The following KLHL31 variants were observed in gnomAD, a reference collection of about 807,000 sequenced individuals.
KLHL31 encodes the protein kelch like family member 31, also known as kelch-like protein 31.
Under a neutral mutation model 47.1 loss-of-function variants are expected in KLHL31, and 32 were observed. That is an observed-to-expected ratio of 0.68 (90% CI 0.51 to 0.91). KLHL31 has a LOEUF of 0.91. Among genes scored for constraint, KLHL31 ranks in the 40% least tolerant of loss-of-function variants. KLHL31 has a pLI of 0.00. For missense variants in KLHL31, 797 were observed against 819.3 expected (o/e 0.97, Z 0.33); for synonymous variants, 330 against 325.1 (o/e 1.01, Z -0.16).
At chr6:53,665,064 A>G (rs1385553669) in intron 1 of KLHL31, among the ~76,000 whole-genome samples, 2 of 151,054 alleles carry the variant, frequency 1.3e-5, no homozygotes, top group Admixed American at 1.3e-4. Flanking sequence ...TTTTTTTAGG[A>G]AGGATATTTC....
In KLHL31 at chr6:53,665,211, T is replaced by G. The variant is rs533526715; in HGVS notation, c.-34+390A>C. Among the ~76,000 whole-genome samples, 5 of 152,312 alleles carry G rather than the reference T, an allele frequency of 3.3e-5. No homozygotes were observed. The South Asian group carries it at 6.2e-4, about 19-fold the overall frequency. The stretch of plus-strand genomic sequence containing the variant: ...AAATGATTCTTGATAAAAATAAAGG[T>G]AGAATTCTAAACTTTGTGAACAAAG... On this transcript the variant is annotated intron_variant, in intron 1 of 2. Transcript: ENST00000370905.
intron 2 of KLHL31, 93 bp from the exon 3 acceptor site, chr6:53,652,423 C>A: frequency 5.3e-6 from 8 of 1,522,194 alleles, no homozygotes; most frequent in Non-Finnish European, 6.3e-6. Flanking sequence ...CCTGACACTA[C>A]CCCTGCAAGG....
chr6:53,653,861 A>T (rs180978805), intron 2 of KLHL31, among the ~76,000 whole-genome samples: 1 of 150,442 alleles, frequency 6.6e-6, no homozygotes, highest in African/African-American at 2.4e-5. Context: ...ATGTAAAATC[A>T]GAATAATTAT....
intron 1 of KLHL31, among the ~76,000 whole-genome samples, chr6:53,657,718 T>C (rs1032437449): frequency 2.7e-5 from 4 of 150,932 alleles, no homozygotes; most frequent in African/African-American, 9.7e-5. Flanking sequence ...CCTTGAAGGG[T>C]TTTCAATTTG....
At chr6:53,660,808 C>T (rs773169444) in intron 1 of KLHL31, among the ~76,000 whole-genome samples, 1 of 152,234 alleles carries the variant, frequency 6.6e-6, no homozygotes, top group Non-Finnish European at 1.5e-5. Context: ...CAAAGCGAGA[C>T]TCTGTCTCAA....
rs189671810 is a variant in KLHL31, at chr6:53,664,595, A to T, written c.-34+1006T>A. Among the ~76,000 whole-genome samples, 13 of 152,212 alleles carry T rather than the reference A, an allele frequency of 8.5e-5. No individual in the cohort carries two copies. In the East Asian group the frequency reaches 2.3e-3, roughly 27 times the overall value. On this transcript the variant is annotated intron_variant, in intron 1 of 2. Coordinates refer to ENST00000370905, the MANE Select transcript of KLHL31 (RefSeq NM_001003760.5). ...TGGCCCCAGCTGATCCCAGATGAAGACCCCCAGAACTGGTTATAGAAAAGA... is the reference window on the plus strand; with the variant it reads ...TGGCCCCAGCTGATCCCAGATGAAGTCCCCCAGAACTGGTTATAGAAAAGA...
rs1764461670 is a variant in KLHL31 at position 53,651,399 on chromosome 6, T to TAAAAAAAAAGAAAAA, written c.*198_*199insTTTTTCTTTTTTTTT. On this transcript the variant is annotated 3_prime_UTR_variant, in exon 3 of 3. Transcript: ENST00000370905. ...TGTTGGCCATTGCCCTGTATTTTGC[T>TAAAAAAAAAGAAAAA]AAAAAAAAAAAAAAAAAAAAGAGGT... 1 of 63,348 alleles carries TAAAAAAAAAGAAAAA rather than the reference T, an allele frequency of 1.6e-5. No homozygotes were observed. The highest frequency in any genetic ancestry group is 2.8e-5 in the Non-Finnish European group (1 of 35,500). The allele number at this position is 63,348 out of a possible 1,614,324, so 3.9% of individuals were successfully genotyped here.
At chr6:53,662,107 T>C (rs1173818795) in intron 1 of KLHL31, among the ~76,000 whole-genome samples, 2 of 152,150 alleles carry the variant, frequency 1.3e-5, no homozygotes, top group Admixed American at 6.5e-5. Context: ...ATATGATTAG[T>C]ATACCCTAGG....
In KLHL31 at chr6:53,649,620, G is replaced by T. The variant is rs1764437637; in HGVS notation, c.*1978C>A. 2 of 151,928 alleles carry T rather than the reference G, an allele frequency of 1.3e-5. No individual in the cohort carries two copies. Among genetic ancestry groups the T allele is most frequent in the Non-Finnish European group, 2.9e-5 (2 of 67,950 alleles). 9.4% of individuals were successfully genotyped at this position (151,928 alleles called of 1,614,324 possible). On this transcript the variant is annotated 3_prime_UTR_variant, in exon 3 of 3. Coordinates refer to ENST00000370905, the MANE Select transcript of KLHL31 (RefSeq NM_001003760.5). ...ATTCTCATTTCATTTCAAGCCCTAG[G>T]TCCTCCTCTTCATACAATACTTCTA... is the stretch of plus-strand genomic sequence containing the variant.
At position 53,651,569 on chromosome 6, in the gene KLHL31, T is replaced by C; in HGVS notation, c.*29A>G. 1.9e-6 allele frequency: 3 copies of C among 1,586,378 alleles called. No individual in the cohort carries two copies. The highest frequency in any genetic ancestry group is 1.7e-6 in the Non-Finnish European group (2 of 1,162,984). On this transcript the variant is annotated 3_prime_UTR_variant, in exon 3 of 3. Transcript: ENST00000370905. ...GTGGCTCTACGAATAAATAACGTGT[T>C]CTTCCTGCGTCCCTGCATCTACCTG... is the stretch of plus-strand genomic sequence containing the variant.
chr6:53,652,020 C>T lies in KLHL31; in HGVS notation c.1483G>A (p.Glu495Lys), dbSNP rs762220452. Residue 495 changes from glutamate (E) to lysine (K), a missense_variant, in exon 3 of 3, where the codon GAG (glutamate) becomes AAG (lysine). Glu to Lys is a moderately conservative substitution (Grantham distance 56). Coordinates refer to ENST00000370905, the MANE Select transcript of KLHL31 (RefSeq NM_001003760.5). ...AYDPASDSWQ[E>K]LPNLSTPRGW... ...CGGGGTGTGCTGAGGTTCGGCAGCT[C>T]CTGCCACGAGTCGCTGGCCGGGTCG... The T allele has an allele frequency of 6.9e-6, 11 of 1,591,544 alleles. No individual in the cohort carries two copies. Among genetic ancestry groups the T allele is most frequent in the Non-Finnish European group, 9.4e-6 (11 of 1,175,048 alleles).
At chr6:53,661,695 T>C (rs1026467136) in intron 1 of KLHL31, among the ~76,000 whole-genome samples, 2 of 152,196 alleles carry the variant, frequency 1.3e-5, no homozygotes, top group Non-Finnish European at 2.9e-5. Context: ...TATTAACATG[T>C]AGTCAGAGCA....
At chr6:53,664,525 G>A (rs1176170903) in intron 1 of KLHL31, among the ~76,000 whole-genome samples, 1 of 152,232 alleles carries the variant, frequency 6.6e-6, no homozygotes, top group Non-Finnish European at 1.5e-5. Context: ...ACCCTTGTCT[G>A]TAAGTGGGCA....
chr6:53,663,692 G>A lies in KLHL31; in HGVS notation c.-34+1909C>T, dbSNP rs569385107. Reference sequence around the variant, plus strand: ...CTCTAAGGCTGTATATAGGACACAAGGACACAGTACAAAGTTTTTGTTTGG... The same window carrying A: ...CTCTAAGGCTGTATATAGGACACAAAGACACAGTACAAAGTTTTTGTTTGG... On this transcript the variant is annotated intron_variant, in intron 1 of 2. Transcript: ENST00000370905. Among the ~76,000 whole-genome samples, 20 of 152,280 alleles carry A rather than the reference G, an allele frequency of 1.3e-4. No individual in the cohort carries two copies. In the South Asian group the frequency reaches 4.1e-3, roughly 32 times the overall value.
chr6:53,661,752 T>G (rs1764649140), intron 1 of KLHL31, among the ~76,000 whole-genome samples: 1 of 152,238 alleles, frequency 6.6e-6, no homozygotes, highest in Admixed American at 6.5e-5. Context: ...GATACAAATG[T>G]TCACTGTGCA....
chr6:53,651,575 T>G lies in KLHL31; in HGVS notation c.*23A>C. ...CTACGAATAAATAACGTGTTCTTCC[T>G]GCGTCCCTGCATCTACCTGGGCTCA... On this transcript the variant is annotated 3_prime_UTR_variant, in exon 3 of 3. Transcript: ENST00000370905. 6.3e-7 allele frequency: 1 copy of G among 1,592,638 alleles called. No individual in the cohort carries two copies. The highest frequency in any genetic ancestry group is 8.6e-7 in the Non-Finnish European group (1 of 1,165,804).
intron 1 of KLHL31, among the ~76,000 whole-genome samples, chr6:53,656,772 T>C (rs1364640924): frequency 6.6e-6 from 1 of 152,052 alleles, no homozygotes; most frequent in African/African-American, 2.4e-5. Context: ...TGTTTTTGTT[T>C]TTATAACTTA....
Position 53,665,733 on chromosome 6 carries a change from C to G in KLHL31, c.-166G>C, listed in dbSNP as rs944258874. The G allele has an allele frequency of 6.6e-6, 1 of 152,300 alleles. No individual in the cohort carries two copies. The highest frequency in any genetic ancestry group is 2.4e-5 in the African/African-American group (1 of 41,416). The allele number at this position is 152,300 out of a possible 1,614,324, so 9.4% of individuals were successfully genotyped here. On this transcript the variant is annotated 5_prime_UTR_variant, in exon 1 of 3. Coordinates refer to ENST00000370905, the MANE Select transcript of KLHL31 (RefSeq NM_001003760.5). ...TGGGGAGCCACCAGCAGCCACCTGA[C>G]AAGACCCGGCTGCAGCAATTTTTAG...
rs1482778701 is a variant in KLHL31 at position 53,648,149 on chromosome 6, T to C, written c.*3449A>G. 2.0e-5 allele frequency: 3 copies of C among 152,682 alleles called. No homozygotes were observed. Among genetic ancestry groups the C allele is most frequent in the Non-Finnish European group, 4.4e-5 (3 of 68,038 alleles). The allele number at this position is 152,682 out of a possible 1,614,324, so 9.5% of individuals were successfully genotyped here. A position where few individuals can be genotyped will look rare whatever the true frequency, so the allele number is the denominator to read the frequency against. Reference sequence around the variant, plus strand: ...AATGGTCTTTACCCAGTGAATGTGCTGGAGGGTAAATCTTTAATATTTTAG... The same window carrying C: ...AATGGTCTTTACCCAGTGAATGTGCCGGAGGGTAAATCTTTAATATTTTAG... On this transcript the variant is annotated 3_prime_UTR_variant, in exon 3 of 3. Transcript: ENST00000370905.
Sources: gnomAD v4.1 joint callset for allele counts (sites outside exome capture counted in the v4.1 genomes callset) on GRCh38, gnomAD v4.1.1 for gene constraint, MANE v1.5 for transcripts, NCBI Gene and HGNC (gene_info 2026-07-23, HGNC 2026-07-21) for gene names.